NTRK3: variants seen among roughly 807,000 people sequenced by gnomAD.
NTRK3 encodes the protein NT-3 growth factor receptor.
In NTRK3, 24 loss-of-function variants were observed where a neutral mutation model predicts 91.7. The ratio of observed to expected loss-of-function variants is 0.26; its 90% CI spans 0.19 to 0.37. The LOEUF (loss-of-function observed/expected upper bound fraction) is 0.37. Ranked by LOEUF, NTRK3 falls within the 10% of genes least tolerant of loss-of-function variation. The probability of loss-of-function intolerance (pLI) is 1.00; values close to 1 mark genes in which losing one functional copy is unlikely to be tolerated. For missense variants in NTRK3, 880 were observed against 1,068.9 expected (o/e 0.82, Z 2.46); for synonymous variants, 483 against 404.0 (o/e 1.20, Z -2.34).
rs2067307279 is a variant in NTRK3 at position 87,914,449 on chromosome 15, G to A, written c.2133+14742C>T. On this transcript the variant is annotated intron_variant, in intron 17 of 18. Transcript: ENST00000394480. ...CACATACTGACCACTGGTGCCCAGT[G>A]AGTGGGAACCAATGAGGATTCATGT... Among the ~76,000 whole-genome samples the A allele has an allele frequency of 2.6e-5, 4 of 152,194 alleles. No individual in the cohort carries two copies. In the South Asian group the frequency reaches 6.2e-4, roughly 24 times the overall value.
chr15:87,927,655 A>T (rs534021240), intron 17 of NTRK3: 1 of 152,332 alleles, frequency 6.6e-6, no homozygotes, highest in South Asian at 2.1e-4. Flanking sequence ...CAATGCATTC[A>T]TATGGAAGAG....
chr15:88,134,396 C>A (rs1406700822), intron 10 of NTRK3, among the ~76,000 whole-genome samples: 1 of 152,160 alleles, frequency 6.6e-6, no homozygotes, highest in African/African-American at 2.4e-5. Context: ...AAGCAAAGTT[C>A]TTCAGTAATT....
chr15:87,956,887 G>C (rs2071723891), intron 14 of NTRK3, among the ~76,000 whole-genome samples: 1 of 152,150 alleles, frequency 6.6e-6, no homozygotes, highest in African/African-American at 2.4e-5. Flanking sequence ...GGGCAGGGGT[G>C]GGGTAGTCAT....
intron 14 of NTRK3, among the ~76,000 whole-genome samples, chr15:87,976,839 C>T (rs1174790983): frequency 1.3e-5 from 2 of 152,220 alleles, no homozygotes; most frequent in African/African-American, 4.8e-5. Flanking sequence ...ACTTTCCCAA[C>T]ATCCACAGGG....
At chr15:88,038,215 T>A (rs766760933) in intron 13 of NTRK3, among the ~76,000 whole-genome samples, 23,078 of 152,196 alleles carry the variant, frequency 0.15, 2,499 homozygotes, top group African/African-American at 0.31. Context: ...TAATTCATCA[T>A]GTCTTCTGAT....
intron 18 of NTRK3, 99 bp from the exon 20 acceptor site, chr15:87,877,219 T>C (rs2064989638): frequency 3.2e-6 from 4 of 1,266,498 alleles, no homozygotes; most frequent in South Asian, 1.3e-5. Context: ...GATTAGTTTC[T>C]ATGCAGAGCC....
chr15:87,952,809 C>T (rs1218050088), intron 14 of NTRK3, among the ~76,000 whole-genome samples: 2 of 152,132 alleles, frequency 1.3e-5, no homozygotes, highest in Admixed American at 6.5e-5. Flanking sequence ...CTCCCACTCC[C>T]GGAGCCAGGG....
chr15:88,199,164 G>A (rs1166873260), intron 3 of NTRK3, among the ~76,000 whole-genome samples: 8 of 152,074 alleles, frequency 5.3e-5, no homozygotes, highest in Admixed American at 2.0e-4. Context: ...GGAATATTGG[G>A]CATCATCACT....
chr15:88,048,989 CG>C (rs1567292311), intron 13 of NTRK3, among the ~76,000 whole-genome samples: 1 of 152,146 alleles, frequency 6.6e-6, no homozygotes, highest in East Asian at 1.9e-4. Flanking sequence ...ACAACACTGA[CG>C]AAATGAAATG....
At chr15:88,169,502 C>A (rs1454473264) in intron 5 of NTRK3, among the ~76,000 whole-genome samples, 1 of 152,204 alleles carries the variant, frequency 6.6e-6, no homozygotes, top group Admixed American at 6.5e-5. Context: ...GGGAGGGGAT[C>A]TTGTCTTTCT....
At chr15:88,254,393 C>T (rs1451976450) in intron 3 of NTRK3, among the ~76,000 whole-genome samples, 1 of 152,148 alleles carries the variant, frequency 6.6e-6, no homozygotes, top group African/African-American at 2.4e-5. Context: ...CGCCCCTTGG[C>T]TGTTTATCTT....
chr15:87,878,761 A>C (rs1300302334), intron 18 of NTRK3, among the ~76,000 whole-genome samples: 6 of 152,232 alleles, frequency 3.9e-5, no homozygotes, highest in Non-Finnish European at 4.4e-5. Context: ...GTCTTAGAAG[A>C]AACTGCAAAC....
At chr15:88,110,145 T>G (rs974507919) in intron 13 of NTRK3, among the ~76,000 whole-genome samples, 18 of 151,988 alleles carry the variant, frequency 1.2e-4, no homozygotes, top group Middle Eastern at 3.4e-3. Context: ...CCCAGTAGGA[T>G]GACTGGGGAA....
chr15:88,022,093 G>A (rs530415919), intron 14 of NTRK3, among the ~76,000 whole-genome samples: 20 of 152,208 alleles, frequency 1.3e-4, no homozygotes, highest in Admixed American at 3.3e-4. Flanking sequence ...TGATGAGGGC[G>A]GAGTCCATCA....
At chr15:87,966,318 C>A (rs953995087) in intron 14 of NTRK3, among the ~76,000 whole-genome samples, 10 of 152,186 alleles carry the variant, frequency 6.6e-5, no homozygotes, top group Non-Finnish European at 1.5e-4. Context: ...TAAGGCATGT[C>A]TTATCCTCCT....
chr15:87,878,226 G>C (rs1488043867), intron 18 of NTRK3, among the ~76,000 whole-genome samples: 1 of 152,172 alleles, frequency 6.6e-6, no homozygotes, highest in Non-Finnish European at 1.5e-5. Context: ...CTCAGCAGCT[G>C]AACAAATATT....
intron 13 of NTRK3, among the ~76,000 whole-genome samples, chr15:88,082,138 C>T (rs1001066930): frequency 2.0e-5 from 3 of 151,974 alleles, no homozygotes; most frequent in Non-Finnish European, 4.4e-5. Flanking sequence ...ATTAGCCAGG[C>T]GTGGTGGCGC....
At chr15:87,868,530 G>A in exon 19 of NTRK3, 1 of 220,116 alleles carries the variant, frequency 4.5e-6, no homozygotes, top group Non-Finnish European at 9.1e-6. Flanking sequence ...CAGACTTCAG[G>A]GTAACGTATT....
At chr15:88,053,411 C>G (rs1371407794) in intron 13 of NTRK3, among the ~76,000 whole-genome samples, 1 of 152,206 alleles carries the variant, frequency 6.6e-6, no homozygotes, top group Non-Finnish European at 1.5e-5. Context: ...CTGGGACTGA[C>G]AGCCGGACCA....
Sources: gnomAD v4.1 joint callset for allele counts (sites outside exome capture counted in the v4.1 genomes callset) on GRCh38, gnomAD v4.1.1 for gene constraint, MANE v1.5 for transcripts, NCBI Gene and HGNC (gene_info 2026-07-23, HGNC 2026-07-21) for gene names.